SCN10A: variants seen among roughly 807,000 people sequenced by gnomAD.
The protein encoded by SCN10A is sodium voltage-gated channel alpha subunit 10, also known as sodium channel protein type 10 subunit alpha.
Under a neutral mutation model 170.7 loss-of-function variants are expected in SCN10A, and 162 were observed. The observed-to-expected ratio is 0.95, with a 90% CI of 0.84 to 1.08. The LOEUF (loss-of-function observed/expected upper bound fraction) is 1.08, where lower values mean the gene tolerates loss of function less well. SCN10A is among the 50% of genes least tolerant of loss of function. The pLI, the probability that SCN10A is intolerant of heterozygous loss-of-function variation, is 0.00. For missense variants in SCN10A, 2,527 were observed against 2,436.9 expected, an observed-to-expected ratio of 1.04 and a Z score of -0.78; for synonymous variants, 985 against 904.6, an observed-to-expected ratio of 1.09 and a Z score of -1.59.
chr3:38,800,901 C>A (rs376792147), intron 1 of SCN10A, among the ~76,000 whole-genome samples: 1 of 152,138 alleles, frequency 6.6e-6, no homozygotes, highest in Admixed American at 6.6e-5. Context: ...GATGAGTGAG[C>A]AGTTTCTAAG....
At chr3:38,791,645 A>G (rs2064282275) in intron 3 of SCN10A, among the ~76,000 whole-genome samples, 1 of 152,140 alleles carries the variant, frequency 6.6e-6, no homozygotes, top group Non-Finnish European at 1.5e-5. Context: ...GCAACAACTC[A>G]TGCCTATCTC....
chr3:38,736,970 T>G (rs999842041), intron 15 of SCN10A, among the ~76,000 whole-genome samples: 9 of 93,114 alleles, frequency 9.7e-5, no homozygotes, highest in Non-Finnish European at 1.8e-4. Flanking sequence ...TTCGTTTTTT[T>G]TTTTTTTTTT....
At chr3:38,801,514 C>T (rs2064370365) in intron 1 of SCN10A, among the ~76,000 whole-genome samples, 1 of 152,144 alleles carries the variant, frequency 6.6e-6, no homozygotes, top group Non-Finnish European at 1.5e-5. Context: ...GCAGGTCTGG[C>T]TGACTACAGC....
At chr3:38,795,340 T>TC (rs1342040358) in intron 1 of SCN10A, among the ~76,000 whole-genome samples, 1 of 131,164 alleles carries the variant, frequency 7.6e-6, no homozygotes, top group Non-Finnish European at 1.6e-5. Flanking sequence ...TTTTTCTTTT[T>TC]CTTTTTCTTT....
chr3:38,722,590 C>T (rs566476097), intron 19 of SCN10A, among the ~76,000 whole-genome samples, 178 bp from the exon 20 acceptor site: 1 of 152,278 alleles, frequency 6.6e-6, no homozygotes, highest in African/African-American at 2.4e-5. Flanking sequence ...CAATCCAGAC[C>T]AACAGGTGTT....
intron 21 of SCN10A, among the ~76,000 whole-genome samples, chr3:38,715,442 C>A (rs2063325066): frequency 6.6e-6 from 1 of 152,218 alleles, no homozygotes; most frequent in South Asian, 2.1e-4. Flanking sequence ...TACTTTATCA[C>A]CCTCAGGATA....
intron 4 of SCN10A, among the ~76,000 whole-genome samples, chr3:38,782,654 T>A (rs1189691672): frequency 1.3e-5 from 2 of 152,110 alleles, no homozygotes; most frequent in Non-Finnish European, 2.9e-5. Context: ...AGCATAGACA[T>A]TTTACATGCT....
intron 24 of SCN10A, among the ~76,000 whole-genome samples, chr3:38,710,138 T>C (rs915318852): frequency 2.0e-5 from 3 of 151,980 alleles, no homozygotes; most frequent in African/African-American, 7.3e-5. Context: ...CCCAATAGTG[T>C]CTCCCCAGCC....
At chr3:38,718,331 C>G (rs6802294) in intron 21 of SCN10A, among the ~76,000 whole-genome samples, 26,356 of 152,188 alleles carry the variant, frequency 0.17, 3,412 homozygotes, top group African/African-American at 0.34. Context: ...GAAGACCCAT[C>G]TATGGATGCA....
chr3:38,801,566 T>C (rs2064370725), intron 1 of SCN10A, among the ~76,000 whole-genome samples: 1 of 152,160 alleles, frequency 6.6e-6, no homozygotes, highest in Non-Finnish European at 1.5e-5. Flanking sequence ...TGGAGAGTTC[T>C]GGGACTTGAG....
In SCN10A at chr3:38,712,299, C is replaced by G; in HGVS notation, c.3951G>C (p.Glu1317Asp). 1 of 1,614,224 alleles carries G rather than the reference C, an allele frequency of 6.2e-7. No homozygotes were observed. The highest frequency in any genetic ancestry group is 1.1e-5 in the South Asian group (1 of 91,080). The stretch of plus-strand genomic sequence containing the variant: ...CAATCGACAAAGGTACAAGGGAAAA[C>G]TCTCCATCGGTATAGTTGATGCACC... ...FWRCINYTDG[E>D]FSLVPLSIVN... The change falls in exon 23 of 28, where the codon GAG (glutamate) becomes GAC (aspartate). Residue 1317 changes from glutamate to aspartate, a missense_variant. Glu to Asp is a conservative substitution (Grantham distance 45). Transcript: ENST00000449082.
chr3:38,707,385 T>C lies in SCN10A; in HGVS notation c.4282-2A>G. The C allele has an allele frequency of 6.2e-7, 1 of 1,613,904 alleles. No homozygotes were observed. Among genetic ancestry groups the C allele is most frequent in the Middle Eastern group, 1.7e-4 (1 of 6,060 alleles). On this transcript the variant is annotated splice_acceptor_variant, in intron 25 of 27. Coordinates refer to ENST00000449082, the MANE Select transcript of SCN10A (RefSeq NM_006514.4). LOFTEE classifies it high-confidence loss of function. ...CATGAAGATGTCCTGGCCCCCTAAGTGCAGAGAGGGCCACACTGTTACTAA... is the reference window on the plus strand; with the variant it reads ...CATGAAGATGTCCTGGCCCCCTAAGCGCAGAGAGGGCCACACTGTTACTAA...
chr3:38,779,770 G>T (rs1219621221), intron 4 of SCN10A, among the ~76,000 whole-genome samples: 2 of 151,860 alleles, frequency 1.3e-5, no homozygotes, highest in African/African-American at 4.8e-5. Context: ...TTTTGTCCAA[G>T]AATTCTTTAA....
At position 38,713,487 on chromosome 3, in the gene SCN10A, G is replaced by A. The variant is rs1234203922; in HGVS notation, c.3804+471C>T. Among the ~76,000 whole-genome samples the A allele has an allele frequency of 3.3e-5, 5 of 152,182 alleles. No homozygotes were observed. In the South Asian group the frequency reaches 6.2e-4, roughly 19 times the overall value. The stretch of plus-strand genomic sequence containing the variant: ...GGGTGAGGTCTGGGTCCTGGTGGCT[G>A]TAATATTTATGGGTGACAAGGGAAG... On this transcript the variant is annotated intron_variant, in intron 22 of 27. Coordinates refer to ENST00000449082, the MANE Select transcript of SCN10A (RefSeq NM_006514.4).
At chr3:38,729,287 T>C (rs2126003761) in intron 15 of SCN10A, among the ~76,000 whole-genome samples, 2 of 152,272 alleles carry the variant, frequency 1.3e-5, no homozygotes, top group South Asian at 4.2e-4. Context: ...TATTTATGAC[T>C]GAAGAGAGAC....
chr3:38,814,231 G>C (rs1294632912), intron 1 of SCN10A, among the ~76,000 whole-genome samples: 1 of 152,182 alleles, frequency 6.6e-6, no homozygotes, highest in East Asian at 1.9e-4. Context: ...CCTGGTGGAT[G>C]CAAACTGAAT....
rs998768418 is a variant in SCN10A at position 38,761,432 on chromosome 3, C to T, written c.692-49G>A. 23 of 1,504,572 alleles carry T rather than the reference C, an allele frequency of 1.5e-5. No homozygotes were observed. The Admixed American group carries it at 1.8e-4, about 12-fold the overall frequency. The allele number at this position is 1,504,572 out of a possible 1,614,324, so 93.2% of individuals were successfully genotyped here. ...GACCACATGGATGAGGTAGCACACA[C>T]GGAGCACACTTCTTCATCTTAGCCA... On this transcript the variant is annotated intron_variant, in intron 6 of 27. Transcript: ENST00000449082.
chr3:38,802,432 A>G (rs2064378202), intron 1 of SCN10A, among the ~76,000 whole-genome samples: 1 of 152,192 alleles, frequency 6.6e-6, no homozygotes, highest in African/African-American at 2.4e-5. Flanking sequence ...TGAAATTATA[A>G]TATTTAACTC....
At chr3:38,814,023 C>T (rs923783364) in intron 1 of SCN10A, among the ~76,000 whole-genome samples, 4 of 152,182 alleles carry the variant, frequency 2.6e-5, no homozygotes, top group African/African-American at 9.7e-5. Context: ...TAAACTCACA[C>T]TCTGGTGGGG....
Sources: allele counts gnomAD v4.1 joint callset (sites outside exome capture counted in the v4.1 genomes callset), GRCh38; gene constraint gnomAD v4.1.1; transcripts MANE v1.5; gene names NCBI Gene and HGNC (gene_info 2026-07-23, HGNC 2026-07-21).